Variants in AGAP1 observed in about 807,000 individuals in gnomAD.
AGAP1 encodes arf-GAP with GTPase, ANK repeat and PH domain-containing protein 1.
In AGAP1, 29 loss-of-function variants were observed where a neutral mutation model predicts 105.3. The observed-to-expected ratio is 0.28, with a 90% confidence interval of 0.21 to 0.38. The LOEUF (loss-of-function observed/expected upper bound fraction) is 0.38, where lower values mean the gene tolerates loss of function less well. AGAP1 is among the 10% of genes least tolerant of loss of function. AGAP1 has a pLI of 1.00. For synonymous variants in AGAP1, 509 were observed against 485.9 expected (o/e 1.05, Z -0.63); for missense variants, 998 against 1,165.1 (o/e 0.86, Z 2.09).
In AGAP1 at chr2:235,794,412, G is replaced by A. The variant is rs148982660; in HGVS notation, c.674-3347G>A. On this transcript the variant is annotated intron_variant, in intron 6 of 17. Coordinates refer to ENST00000304032, the MANE Select transcript of AGAP1 (RefSeq NM_001037131.3). Reference sequence around the variant, plus strand: ...GCTCATGTGACAGAGTCATAGGGAAGTGTGCTGCCCAATTTGAGAAAAGAT... The same window carrying A: ...GCTCATGTGACAGAGTCATAGGGAAATGTGCTGCCCAATTTGAGAAAAGAT... Among the ~76,000 whole-genome samples, 383 of 152,308 alleles carry A rather than the reference G, an allele frequency of 2.5e-3. 1 individual carries two copies. Among genetic ancestry groups the A allele is most frequent in the African/African-American group, 8.9e-3 (372 of 41,574 alleles).
At chr2:235,806,928 T>C (rs889445283) in intron 8 of AGAP1, among the ~76,000 whole-genome samples, 2 of 152,218 alleles carry the variant, frequency 1.3e-5, no homozygotes, top group African/African-American at 4.8e-5. Context: ...TCAAGTGTTT[T>C]TCTGTTGGGC....
intron 1 of AGAP1, among the ~76,000 whole-genome samples, chr2:235,656,485 T>C (rs1332308889): frequency 1.3e-5 from 2 of 152,182 alleles, no homozygotes; most frequent in Non-Finnish European, 2.9e-5. Context: ...AATCACCTGC[T>C]CCACCCTGAC....
chr2:235,776,839 C>T (rs890000988), intron 6 of AGAP1: 29 of 465,136 alleles, frequency 6.2e-5, no homozygotes, highest in Non-Finnish European at 9.3e-5. Flanking sequence ...GGCACCAACT[C>T]GGAGCCCCTT....
At position 236,055,874 on chromosome 2, in the gene AGAP1, G is replaced by C. The variant is rs1168636681; in HGVS notation, c.2114+6593G>C. Among the ~76,000 whole-genome samples, 1 of 152,206 alleles carries C rather than the reference G, an allele frequency of 6.6e-6. No individual in the cohort carries two copies. Among genetic ancestry groups the C allele is most frequent in the Non-Finnish European group, 1.5e-5 (1 of 68,044 alleles). On this transcript the variant is annotated intron_variant, in intron 16 of 17. Transcript: ENST00000304032. This position sits in a 1 kb window ranked among gnomAD's most constrained non-coding sequence, Gnocchi z 6.2. ...CTTAGCCACCCTTCATGACTGGATG[G>C]TCCTCATTAGCACACTGCTAAATAT...
chr2:235,815,728 C>T (rs1410542715), intron 9 of AGAP1, among the ~76,000 whole-genome samples: 9 of 152,194 alleles, frequency 5.9e-5, no homozygotes, highest in Non-Finnish European at 1.2e-4. Flanking sequence ...AGGAAGCATA[C>T]GAGACTCAAA....
chr2:235,770,064 A>G (rs1391495378), intron 6 of AGAP1, among the ~76,000 whole-genome samples: 1 of 152,082 alleles, frequency 6.6e-6, no homozygotes, highest in Non-Finnish European at 1.5e-5. Flanking sequence ...GCAAGTAAAA[A>G]TCACCTATAA....
In AGAP1 at chr2:235,559,627, T is replaced by C. The variant is rs1381414800; in HGVS notation, c.163+64778T>C. Among the ~76,000 whole-genome samples, 2 of 152,206 alleles carry C rather than the reference T, an allele frequency of 1.3e-5. No individual in the cohort carries two copies. The highest frequency in any genetic ancestry group is 2.4e-5 in the African/African-American group (1 of 41,454). ...CACTGTTATGTGGTTATATGTTACG[T>C]TATAGCCTCCCAGAAATTTTCTATA... On this transcript the variant is annotated intron_variant, in intron 1 of 17. Coordinates refer to ENST00000304032, the MANE Select transcript of AGAP1 (RefSeq NM_001037131.3). The surrounding 1 kb of genome is among the most constrained non-coding windows in gnomAD (Gnocchi z 5.7).
intron 1 of AGAP1, among the ~76,000 whole-genome samples, chr2:235,684,700 C>T (rs1949285959): frequency 6.6e-6 from 1 of 152,068 alleles, no homozygotes; most frequent in African/African-American, 2.4e-5. Flanking sequence ...AGGTGCAGCC[C>T]CTTTCTTGTA....
chr2:235,851,070 A>G (rs2048424022), intron 9 of AGAP1, among the ~76,000 whole-genome samples: 1 of 152,220 alleles, frequency 6.6e-6, no homozygotes, highest in East Asian at 1.9e-4. Flanking sequence ...TCCCACAGGA[A>G]GGGCGCTGAG....
chr2:236,081,271 C>T (rs1418879848), intron 16 of AGAP1, among the ~76,000 whole-genome samples: 1 of 152,160 alleles, frequency 6.6e-6, no homozygotes, highest in Non-Finnish European at 1.5e-5. Context: ...CCTGCCACAA[C>T]ACTGACCACC....
intron 9 of AGAP1, among the ~76,000 whole-genome samples, chr2:235,859,348 G>C (rs944977175): frequency 6.7e-6 from 1 of 149,776 alleles, no homozygotes; most frequent in African/African-American, 2.5e-5. Flanking sequence ...TTACTGGCCC[G>C]GTGAGAACCC....
Position 235,953,023 on chromosome 2 carries a change from C to T in AGAP1, c.1484-15439C>T, listed in dbSNP as rs1041905874. Among the ~76,000 whole-genome samples the T allele has an allele frequency of 3.9e-5, 6 of 152,178 alleles. No individual in the cohort carries two copies. The highest frequency in any genetic ancestry group is 7.4e-5 in the Non-Finnish European group (5 of 68,026). ...TACAGCCTCTTTCAAGTGGCTGGGC[C>T]TTCTGTACGAGGCACCTGACACCAC... is the stretch of plus-strand genomic sequence containing the variant. On this transcript the variant is annotated intron_variant, in intron 12 of 17. Coordinates refer to ENST00000304032, the MANE Select transcript of AGAP1 (RefSeq NM_001037131.3). This position sits in a 1 kb window ranked among gnomAD's most constrained non-coding sequence, Gnocchi z 5.2.
At position 236,027,050 on chromosome 2, in the gene AGAP1, T is replaced by C. The variant is rs1379552249; in HGVS notation, c.1646-9511T>C. Among the ~76,000 whole-genome samples, 1 of 152,250 alleles carries C rather than the reference T, an allele frequency of 6.6e-6. No individual in the cohort carries two copies. Among genetic ancestry groups the C allele is most frequent in the African/African-American group, 2.4e-5 (1 of 41,458 alleles). On this transcript the variant is annotated intron_variant, in intron 13 of 17. Coordinates refer to ENST00000304032, the MANE Select transcript of AGAP1 (RefSeq NM_001037131.3). The surrounding 1 kb of genome is among the most constrained non-coding windows in gnomAD (Gnocchi z 4.4). ...AATTTGGAGCCCAGTGGTATTATTT[T>C]CTATGTTTATTACTCCATGCAGTAG...
chr2:235,765,449 C>T (rs1339074642), intron 6 of AGAP1, among the ~76,000 whole-genome samples: 2 of 152,094 alleles, frequency 1.3e-5, no homozygotes, highest in African/African-American at 4.8e-5. Context: ...TTTAGTCGAA[C>T]ATGTAAATTA....
chr2:235,673,957 T>C (rs920153370), intron 1 of AGAP1, among the ~76,000 whole-genome samples: 2 of 152,238 alleles, frequency 1.3e-5, no homozygotes, highest in African/African-American at 4.8e-5. Context: ...GTATTTCCAT[T>C]AGCACAGGGA....
chr2:235,537,148 C>CT (rs1485385970), intron 1 of AGAP1, among the ~76,000 whole-genome samples: 1 of 152,174 alleles, frequency 6.6e-6, no homozygotes, highest in Non-Finnish European at 1.5e-5. Context: ...AGGATATAAA[C>CT]AATAAGCACA....
Position 235,596,292 on chromosome 2 carries a change from TC to T in AGAP1, c.163+101445del, listed in dbSNP as rs993531764. Among the ~76,000 whole-genome samples, 2 of 152,206 alleles carry T rather than the reference TC, an allele frequency of 1.3e-5. No homozygotes were observed. The highest frequency in any genetic ancestry group is 2.9e-5 in the Non-Finnish European group (2 of 68,042). ...TGCTCAAACTAGACAGGTGGGACTG[TC>T]CAGATGCCTGTGGGGCACTACAGAG... On this transcript the variant is annotated intron_variant, in intron 1 of 17. Transcript: ENST00000304032. This position sits in a 1 kb window ranked among gnomAD's most constrained non-coding sequence, Gnocchi z 5.9.
rs545489497 is a variant in AGAP1, at chr2:235,872,750, G to C, written c.1051-10595G>C. Among the ~76,000 whole-genome samples the C allele has an allele frequency of 6.6e-6, 1 of 152,182 alleles. No individual in the cohort carries two copies. Among genetic ancestry groups the C allele is most frequent in the African/African-American group, 2.4e-5 (1 of 41,452 alleles). Reference sequence around the variant, plus strand: ...ACCTTAGTACCACTTCCTCCCTAAGGAAAGCGACGGGCCCCCTGTCTTCCC... The same window carrying C: ...ACCTTAGTACCACTTCCTCCCTAAGCAAAGCGACGGGCCCCCTGTCTTCCC... On this transcript the variant is annotated intron_variant, in intron 9 of 17. Transcript: ENST00000304032. This position sits in a 1 kb window ranked among gnomAD's most constrained non-coding sequence, Gnocchi z 4.5.
chr2:235,638,782 C>T (rs981606285), intron 1 of AGAP1, among the ~76,000 whole-genome samples: 6 of 152,206 alleles, frequency 3.9e-5, no homozygotes, highest in African/African-American at 1.4e-4. Context: ...AGCCAGGAAG[C>T]TGGTTACAAC....
Sources: allele counts gnomAD v4.1 joint callset (sites outside exome capture counted in the v4.1 genomes callset), GRCh38; gene constraint gnomAD v4.1.1; non-coding constraint Gnocchi (gnomAD v3.1); transcripts MANE v1.5; gene names NCBI Gene and HGNC (gene_info 2026-07-23, HGNC 2026-07-21).